Variants in MYO5B observed in about 807,000 individuals in gnomAD.
The protein encoded by MYO5B is myosin VB, also known as unconventional myosin-Vb.
Under a neutral mutation model 229.3 loss-of-function variants are expected in MYO5B, and 143 were observed. The observed-to-expected ratio is 0.62, with a 90% confidence interval of 0.54 to 0.72. The LOEUF is 0.72. Ranked by LOEUF, MYO5B falls within the 30% of genes least tolerant of loss-of-function variation. MYO5B has a pLI of 0.00. For missense variants in MYO5B, 2,321 were observed against 2,331.0 expected (o/e 1.00, Z 0.09); for synonymous variants, 918 against 885.2 (o/e 1.04, Z -0.66).
intron 1 of MYO5B, among the ~76,000 whole-genome samples, chr18:50,183,131 C>CT (rs997450428): frequency 6.6e-6 from 1 of 151,770 alleles, no homozygotes; most frequent in African/African-American, 2.4e-5. Flanking sequence ...GCAGAACCAC[C>CT]TTTTTTGGAT....
At chr18:49,902,030 G>C (rs1423752110) in intron 21 of MYO5B, among the ~76,000 whole-genome samples, 4 of 152,236 alleles carry the variant, frequency 2.6e-5, no homozygotes. Flanking sequence ...AGCACCTTGG[G>C]CTAGTGTGTC....
intron 1 of MYO5B, among the ~76,000 whole-genome samples, chr18:50,093,324 C>G (rs67371714): frequency 0.24 from 36,415 of 151,970 alleles, 5,062 homozygotes; most frequent in African/African-American, 0.39. Context: ...GATGAACCCT[C>G]GAGAGCAACT....
intron 1 of MYO5B, among the ~76,000 whole-genome samples, chr18:50,123,338 G>A (rs995358909): frequency 5.3e-5 from 8 of 152,224 alleles, no homozygotes; most frequent in Non-Finnish European, 4.4e-5. Context: ...TTTGGAACTA[G>A]AGAGAGGGAG....
At chr18:50,174,765 G>C (rs2032972194) in intron 1 of MYO5B, among the ~76,000 whole-genome samples, 1 of 152,200 alleles carries the variant, frequency 6.6e-6, no homozygotes, top group Non-Finnish European at 1.5e-5. Context: ...CATGTGTGAA[G>C]TGGAAAATGC....
chr18:49,859,734 G>A (rs1380270484), intron 29 of MYO5B, among the ~76,000 whole-genome samples: 1 of 152,182 alleles, frequency 6.6e-6, no homozygotes, highest in Non-Finnish European at 1.5e-5. Context: ...GGAACATAAG[G>A]AAATGATCAC....
intron 1 of MYO5B, among the ~76,000 whole-genome samples, chr18:50,159,971 G>A (rs1358867522): frequency 6.6e-6 from 1 of 152,306 alleles, no homozygotes; most frequent in Middle Eastern, 3.4e-3. Flanking sequence ...CATGAACAAC[G>A]TAGCAACACT....
chr18:49,844,604 T>A (rs1011612169), intron 33 of MYO5B, among the ~76,000 whole-genome samples: 3 of 152,358 alleles, frequency 2.0e-5, no homozygotes, highest in African/African-American at 7.2e-5. Flanking sequence ...AAATGATAAC[T>A]GTAGGCCATA....
intron 17 of MYO5B, 47 bp downstream of exon 17, chr18:49,929,465 C>A: frequency 6.6e-7 from 1 of 1,517,244 alleles, no homozygotes; most frequent in Non-Finnish European, 9.0e-7. Context: ...CAAACTCTGG[C>A]TGCTCTAGGG....
At position 49,826,518 on chromosome 18, in the gene MYO5B, T is replaced by A. The variant is rs1454890848; in HGVS notation, c.5500A>T (p.Ile1834Phe). 1.2e-6 allele frequency: 2 copies of A among 1,614,076 alleles called. No individual in the cohort carries two copies. The highest frequency in any genetic ancestry group is 2.2e-5 in the East Asian group (1 of 44,876). ...FNPSSLTMDS[I>F]HIPACLNLEF... is the part of the protein sequence containing the mutation. ...AGATTGAGACACGCTGGGATGTGGATTGAGTCCATGGTTAGAGAAGATGGA... is the reference window on the plus strand; with the variant it reads ...AGATTGAGACACGCTGGGATGTGGAATGAGTCCATGGTTAGAGAAGATGGA... The change falls in exon 40 of 40, where the codon ATC becomes TTC. Residue 1834 changes from isoleucine (I) to phenylalanine (F), a missense_variant. Around this residue, in one of 2 missense-constraint regions of MYO5B, gnomAD observed 208 missense variants for 286.3 expected, o/e 0.73. Coordinates refer to ENST00000285039, the MANE Select transcript of MYO5B (RefSeq NM_001080467.3).
rs1057348409 is a variant in MYO5B at position 49,835,424 on chromosome 18, T to C, written c.5314A>G (p.Ile1772Val). ...SLCTSLSTQQ[I>V]VKILNLYTPL... ...GTATAAAGGTTTAAAATTTTGACAA[T>C]CTGTTGGGGATAAAAACGGAATTTA... Residue 1772 changes from isoleucine (I) to valine (V), a missense_variant and splice_region_variant, in exon 39 of 40, where the codon ATT becomes GTT. Physicochemically the swap from Ile to Val is conservative, Grantham distance 29. Coordinates refer to ENST00000285039, the MANE Select transcript of MYO5B (RefSeq NM_001080467.3). 1 of 1,609,104 alleles carries C rather than the reference T, an allele frequency of 6.2e-7. No homozygotes were observed. Among genetic ancestry groups the C allele is most frequent in the Admixed American group, 1.7e-5 (1 of 59,998 alleles).
intron 1 of MYO5B, chr18:50,097,544 A>T (rs1446705250): frequency 3.6e-6 from 1 of 279,606 alleles, no homozygotes; most frequent in Non-Finnish European, 7.1e-6. Context: ...TCACTGAACA[A>T]CAACACTCAT....
chr18:49,921,326 G>C (rs2144179996), intron 17 of MYO5B, among the ~76,000 whole-genome samples: 1 of 151,246 alleles, frequency 6.6e-6, no homozygotes, highest in East Asian at 1.9e-4. Flanking sequence ...ACACTTTTCG[G>C]GGTAAGCAGT....
chr18:49,917,768 G>C (rs2025032720), intron 17 of MYO5B, among the ~76,000 whole-genome samples: 2 of 152,178 alleles, frequency 1.3e-5, no homozygotes, highest in Admixed American at 1.3e-4. Context: ...ATTCTGACTT[G>C]CTTGTCAGGG....
intron 9 of MYO5B, among the ~76,000 whole-genome samples, chr18:49,979,425 T>A (rs575600321): frequency 6.6e-6 from 1 of 152,134 alleles, no homozygotes; most frequent in East Asian, 1.9e-4. Context: ...AGATTGTGTA[T>A]CCATCCATGG....
rs760617237 is a variant in MYO5B, at chr18:49,992,330, G to A, written c.714C>T (p.Asn238=). The A allele has an allele frequency of 1.2e-6, 2 of 1,614,174 alleles. No individual in the cohort carries two copies. Among genetic ancestry groups the A allele is most frequent in the Non-Finnish European group, 1.7e-6 (2 of 1,180,022 alleles). ...FDKRYHIIGA[N]MRTYLLEKSR... ...ACTTCTCCAAGAGGTAAGTCCTCATGTTGGCCCCGATGATGTGGTACCTTT... is the reference window on the plus strand; with the variant it reads ...ACTTCTCCAAGAGGTAAGTCCTCATATTGGCCCCGATGATGTGGTACCTTT... Residue 238 remains asparagine, a synonymous_variant, in exon 6 of 40, where the codon AAC becomes AAT. Coordinates refer to ENST00000285039, the MANE Select transcript of MYO5B (RefSeq NM_001080467.3).
chr18:49,853,652 G>A lies in MYO5B; in HGVS notation c.4023-5C>T, dbSNP rs748673284. On this transcript the variant is annotated splice_region_variant and splice_polypyrimidine_tract_variant and intron_variant, in intron 30 of 39. Coordinates refer to ENST00000285039, the MANE Select transcript of MYO5B (RefSeq NM_001080467.3). ...TGCAGCTGAGCCTCCAGCAGCCTGT[G>A]CCAGGGAGAGGACAGGTGAGCACGT... 9.3e-6 allele frequency: 15 copies of A among 1,611,154 alleles called. No individual in the cohort carries two copies. Among genetic ancestry groups the A allele is most frequent in the Admixed American group, 1.7e-5 (1 of 59,962 alleles).
At chr18:49,878,809 A>G in intron 24 of MYO5B, 136 bp downstream of exon 24, 2 of 1,072,034 alleles carry the variant, frequency 1.9e-6, no homozygotes, top group Non-Finnish European at 2.8e-6. Context: ...GCCTCTCTGC[A>G]GTAATGGCAA....
chr18:49,987,724 C>A (rs1284234103), intron 7 of MYO5B, among the ~76,000 whole-genome samples: 1 of 151,786 alleles, frequency 6.6e-6, no homozygotes. Flanking sequence ...CATACAACCA[C>A]GGAAATGAAA....
intron 12 of MYO5B, among the ~76,000 whole-genome samples, chr18:49,957,673 A>ATT (rs2025510394): frequency 8.5e-6 from 1 of 117,038 alleles, no homozygotes; most frequent in African/African-American, 4.0e-5. Context: ...AAAACAAAAC[A>ATT]AAAAAAGCCA....
Sources: gnomAD v4.1 joint callset for allele counts (sites outside exome capture counted in the v4.1 genomes callset) on GRCh38, gnomAD v4.1.1 for gene constraint, gnomAD v4.1.1 regional missense constraint, MANE v1.5 for transcripts, NCBI Gene and HGNC (gene_info 2026-07-23, HGNC 2026-07-21) for gene names.